The following ARHGAP15 variants were observed in gnomAD, a reference collection of about 807,000 sequenced individuals.
The protein encoded by ARHGAP15 is Rho GTPase activating protein 15.
Under a neutral mutation model 63.7 loss-of-function variants are expected in ARHGAP15, and 51 were observed. That is an observed-to-expected ratio of 0.80 (90% CI 0.64 to 1.01). The LOEUF is 1.01. ARHGAP15 is among the 50% of genes least tolerant of loss of function. ARHGAP15 has a pLI of 0.00. For missense variants in ARHGAP15, 560 were observed against 564.6 expected (o/e 0.99, Z 0.08); for synonymous variants, 191 against 193.8 (o/e 0.99, Z 0.12).
chr2:143,410,966 G>A (rs1338856875), intron 6 of ARHGAP15, among the ~76,000 whole-genome samples: 2 of 152,112 alleles, frequency 1.3e-5, no homozygotes, highest in Non-Finnish European at 2.9e-5. Context: ...CACTTTGGAA[G>A]GCCAAGGCAG....
intron 11 of ARHGAP15, among the ~76,000 whole-genome samples, chr2:143,584,616 ACT>A (rs1035834511): frequency 6.6e-6 from 1 of 152,086 alleles, no homozygotes; most frequent in African/African-American, 2.4e-5. Flanking sequence ...ACAGAACAAG[ACT>A]CTGTCAAAAA....
chr2:143,673,754 GTGTGTA>G (rs1381679328), intron 12 of ARHGAP15, among the ~76,000 whole-genome samples: 12 of 31,420 alleles, frequency 3.8e-4, no homozygotes, highest in African/African-American at 8.7e-4. Flanking sequence ...GTGTGTGTGT[GTGTGTA>G]TATATATATA....
At chr2:143,467,011 A>T (rs1220564668) in intron 8 of ARHGAP15, among the ~76,000 whole-genome samples, 2 of 152,120 alleles carry the variant, frequency 1.3e-5, no homozygotes, top group African/African-American at 2.4e-5. Flanking sequence ...AAAATAAAGG[A>T]AAAACGTCTT....
At chr2:143,413,106 GTTTA>G (rs951849653) in intron 6 of ARHGAP15, among the ~76,000 whole-genome samples, 37 of 152,068 alleles carry the variant, frequency 2.4e-4, no homozygotes, top group Non-Finnish European at 5.1e-4. Context: ...GTTGTCAATT[GTTTA>G]TTAAAAATCT....
intron 9 of ARHGAP15, among the ~76,000 whole-genome samples, chr2:143,506,194 TAC>T (rs1489880647): frequency 6.6e-6 from 1 of 152,232 alleles, no homozygotes; most frequent in East Asian, 1.9e-4. Context: ...TCAAAATTTC[TAC>T]ACTTTCCCCA....
In ARHGAP15 at chr2:143,240,399, C is replaced by G. The variant is rs570828315; in HGVS notation, c.385-10112C>G. The stretch of plus-strand genomic sequence containing the variant: ...GATGAAAATAGTTTCAATCAGAAAG[C>G]TATTCATGAATTATTGAGTATTCCG... On this transcript the variant is annotated intron_variant, in intron 5 of 13. Coordinates refer to ENST00000295095, the MANE Select transcript of ARHGAP15 (RefSeq NM_018460.4). Among the ~76,000 whole-genome samples, 6 of 152,110 alleles carry G rather than the reference C, an allele frequency of 3.9e-5. No homozygotes were observed. The East Asian group carries it at 1.2e-3, about 29-fold the overall frequency.
At chr2:143,281,590 GC>G (rs1389996962) in intron 6 of ARHGAP15, among the ~76,000 whole-genome samples, 2 of 151,862 alleles carry the variant, frequency 1.3e-5, no homozygotes, top group Non-Finnish European at 2.9e-5. Flanking sequence ...CGGGAAACGG[GC>G]CTAAGAACCC....
chr2:143,254,645 T>C (rs536090904), intron 6 of ARHGAP15, among the ~76,000 whole-genome samples: 2 of 152,228 alleles, frequency 1.3e-5, no homozygotes, highest in East Asian at 3.9e-4. Flanking sequence ...CAGAGCACTA[T>C]AATTATTTCC....
chr2:143,158,037 T>C (rs1401536129), intron 2 of ARHGAP15, among the ~76,000 whole-genome samples: 1 of 151,874 alleles, frequency 6.6e-6, no homozygotes, highest in Non-Finnish European at 1.5e-5. Flanking sequence ...TTAATATATA[T>C]GGCATATGCA....
chr2:143,630,507 T>G (rs1699021028), intron 12 of ARHGAP15, among the ~76,000 whole-genome samples: 1 of 152,082 alleles, frequency 6.6e-6, no homozygotes, highest in Non-Finnish European at 1.5e-5. Context: ...GAAACCTCAT[T>G]TAGTGATTTT....
chr2:143,342,728 T>A (rs973437987), intron 6 of ARHGAP15, among the ~76,000 whole-genome samples: 1 of 152,062 alleles, frequency 6.6e-6, no homozygotes, highest in African/African-American at 2.4e-5. Context: ...TGAGGCAAAA[T>A]TGTATAACAG....
intron 10 of ARHGAP15, among the ~76,000 whole-genome samples, chr2:143,525,060 C>T (rs1048918728): frequency 6.6e-6 from 1 of 152,080 alleles, no homozygotes; most frequent in Non-Finnish European, 1.5e-5. Flanking sequence ...ATCCAGGCCC[C>T]GAAACTGCAG....
At chr2:143,674,879 G>C (rs191128494) in intron 12 of ARHGAP15, among the ~76,000 whole-genome samples, 12 of 152,230 alleles carry the variant, frequency 7.9e-5, no homozygotes, top group East Asian at 1.9e-4. Flanking sequence ...TGATCAGGGT[G>C]GGGGGTTGCT....
chr2:143,280,414 T>G (rs1034912593), intron 6 of ARHGAP15, among the ~76,000 whole-genome samples: 10 of 152,066 alleles, frequency 6.6e-5, no homozygotes, highest in Admixed American at 5.9e-4. Context: ...CTAGGTCTAT[T>G]TATCACATGA....
chr2:143,377,842 T>A (rs1686884395), intron 6 of ARHGAP15, among the ~76,000 whole-genome samples: 1 of 152,110 alleles, frequency 6.6e-6, no homozygotes, highest in Non-Finnish European at 1.5e-5. Flanking sequence ...AAAAGCGAAT[T>A]CTTTGAATGA....
At chr2:143,229,971 C>CT (rs1247533207) in intron 5 of ARHGAP15, among the ~76,000 whole-genome samples, 1 of 152,130 alleles carries the variant, frequency 6.6e-6, no homozygotes, top group Non-Finnish European at 1.5e-5. Flanking sequence ...TTAATTTAAA[C>CT]TGCCTCAGAA....
chr2:143,212,876 A>C (rs1692612438), intron 3 of ARHGAP15, among the ~76,000 whole-genome samples: 1 of 152,202 alleles, frequency 6.6e-6, no homozygotes, highest in Admixed American at 6.5e-5. Flanking sequence ...AGAATAGTAA[A>C]GTAATTAATC....
chr2:143,544,248 C>G (rs1330337903), intron 10 of ARHGAP15, among the ~76,000 whole-genome samples: 2 of 152,138 alleles, frequency 1.3e-5, no homozygotes, highest in Admixed American at 1.3e-4. Context: ...TTTTGAACCT[C>G]ATTTTAAGAG....
intron 6 of ARHGAP15, among the ~76,000 whole-genome samples, chr2:143,347,177 A>G (rs1685337794): frequency 6.6e-6 from 1 of 152,196 alleles, no homozygotes; most frequent in South Asian, 2.1e-4. Context: ...ATAATTATGC[A>G]CATCTAAACA....
Sources: gnomAD v4.1 joint callset for allele counts (sites outside exome capture counted in the v4.1 genomes callset) on GRCh38, gnomAD v4.1.1 for gene constraint, MANE v1.5 for transcripts, NCBI Gene and HGNC (gene_info 2026-07-23, HGNC 2026-07-21) for gene names.